The following TENM3 variants were observed in gnomAD, a reference collection of about 807,000 sequenced individuals.
TENM3 encodes the protein teneurin-3.
A neutral mutation model predicts 255.1 loss-of-function variants in TENM3; 63 were observed. The observed-to-expected ratio is 0.25, with a 90% CI of 0.20 to 0.30. The LOEUF is 0.30. TENM3 is among the 10% of genes least tolerant of loss of function. The pLI, the probability that TENM3 is intolerant of heterozygous loss-of-function variation, is 1.00. For missense variants in TENM3, 2,929 were observed against 3,461.1 expected (o/e 0.85, Z 3.86); for synonymous variants, 1,306 against 1,322.3 (o/e 0.99, Z 0.27).
intron 18 of TENM3, among the ~76,000 whole-genome samples, chr4:182,739,788 C>T (rs1471020275): frequency 6.6e-6 from 1 of 152,190 alleles, no homozygotes; most frequent in Non-Finnish European, 1.5e-5. Context: ...GTAATCTCAG[C>T]ACTTCAGGAG....
At chr4:182,615,000 AAGAGTTAGGG>A (rs1749338275) in intron 4 of TENM3, among the ~76,000 whole-genome samples, 1 of 147,584 alleles carries the variant, frequency 6.8e-6, no homozygotes. Flanking sequence ...AGTTTCGAAG[AAGAGTTAGGG>A]AAAAGGCATG....
chr4:181,955,630 G>A, the TENM3 span, among the ~76,000 whole-genome samples: 2,308 of 152,152 alleles, frequency 0.015, 54 homozygotes, highest in African/African-American at 0.052. Context: ...ACAAGGGTTT[G>A]GAAAGACTAC....
chr4:182,466,719 C>T (rs1194606367), intron 3 of TENM3, among the ~76,000 whole-genome samples: 1 of 151,914 alleles, frequency 6.6e-6, no homozygotes, highest in Non-Finnish European at 1.5e-5. Flanking sequence ...AATTATACGC[C>T]AAGGACCATA....
chr4:182,182,603 G>A (rs1752911141), intron 1 of TENM3, among the ~76,000 whole-genome samples: 1 of 152,196 alleles, frequency 6.6e-6, no homozygotes, highest in Non-Finnish European at 1.5e-5. Flanking sequence ...ACAGAAGTAT[G>A]AGCCTGCCTG....
intron 3 of TENM3, among the ~76,000 whole-genome samples, chr4:182,398,038 G>T (rs1768971744): frequency 6.6e-6 from 1 of 152,140 alleles, no homozygotes; most frequent in Non-Finnish European, 1.5e-5. Context: ...TTTGAGTCCT[G>T]GAGGAAGCAG....
At chr4:181,503,300 A>T in the TENM3 span, among the ~76,000 whole-genome samples, 221 of 152,338 alleles carry the variant, frequency 1.5e-3, no homozygotes, top group African/African-American at 5.1e-3. Flanking sequence ...CAGGAGTTCA[A>T]GGTTACAGTG....
At position 182,255,719 on chromosome 4, in the gene TENM3, T is replaced by C. The variant is rs559200680; in HGVS notation, c.-76+12243T>C. 3.3e-5 allele frequency among the ~76,000 whole-genome samples: 5 copies of C among 152,292 alleles called. 1 individual carries two copies. Among genetic ancestry groups the C allele is most frequent in the African/African-American group, 1.2e-4 (5 of 41,566 alleles). On this transcript the variant is annotated intron_variant, in intron 1 of 27. Transcript: ENST00000511685. Reference sequence around the variant, plus strand: ...ACACAGCCTGCCAGAATTGGGCTTATGTGTATGGGGAGAGGATGGGTTCAG... The same window carrying C: ...ACACAGCCTGCCAGAATTGGGCTTACGTGTATGGGGAGAGGATGGGTTCAG...
intron 1 of TENM3, among the ~76,000 whole-genome samples, chr4:182,219,974 C>A (rs887512538): frequency 6.6e-6 from 1 of 152,142 alleles, no homozygotes; most frequent in African/African-American, 2.4e-5. Flanking sequence ...TCCTGGAAAA[C>A]ATTTTACACA....
chr4:181,767,251 C>CAAAAAAAAAAA, the TENM3 span, among the ~76,000 whole-genome samples: 1 of 75,726 alleles, frequency 1.3e-5, no homozygotes, highest in Non-Finnish European at 2.6e-5. Context: ...GACTCCGTCT[C>CAAAAAAAAAAA]AAAAAAAAAA....
chr4:182,015,701 C>T, the TENM3 span, among the ~76,000 whole-genome samples: 7 of 151,200 alleles, frequency 4.6e-5, no homozygotes, highest in East Asian at 1.9e-4. Context: ...GCTGGGACTA[C>T]GGGCATGCAC....
intron 1 of TENM3, among the ~76,000 whole-genome samples, chr4:182,310,838 C>A (rs1416177033): frequency 1.3e-5 from 2 of 152,170 alleles, no homozygotes. Flanking sequence ...TCCCGAGTAG[C>A]TGGGACTACA....
At chr4:181,483,704 G>T in the TENM3 span, among the ~76,000 whole-genome samples, 1 of 152,020 alleles carries the variant, frequency 6.6e-6, no homozygotes, top group African/African-American at 2.4e-5. Flanking sequence ...AAATGCCAGG[G>T]TAGGTAAATT....
chr4:182,378,400 C>G (rs28566689), intron 3 of TENM3, among the ~76,000 whole-genome samples: 5,665 of 152,262 alleles, frequency 0.037, 325 homozygotes, highest in African/African-American at 0.13. Flanking sequence ...AAGAATGGAG[C>G]TGGCTTCTGT....
At chr4:182,526,719 G>T (rs1739226188) in intron 3 of TENM3, among the ~76,000 whole-genome samples, 1 of 152,154 alleles carries the variant, frequency 6.6e-6, no homozygotes, top group Non-Finnish European at 1.5e-5. Context: ...TTACTGTGGA[G>T]CCTCAATAGC....
intron 3 of TENM3, among the ~76,000 whole-genome samples, chr4:182,396,549 A>G (rs1376306225): frequency 6.6e-6 from 1 of 152,238 alleles, no homozygotes; most frequent in Non-Finnish European, 1.5e-5. Context: ...TTGACATGTT[A>G]TAAATTATTT....
At chr4:182,394,439 A>G (rs1768657521) in intron 3 of TENM3, among the ~76,000 whole-genome samples, 1 of 152,220 alleles carries the variant, frequency 6.6e-6, no homozygotes. Context: ...TTGTGAAAAA[A>G]TAAGATTACA....
chr4:182,716,600 C>T (rs959613635), intron 13 of TENM3, among the ~76,000 whole-genome samples: 48 of 152,292 alleles, frequency 3.2e-4, no homozygotes, highest in African/African-American at 9.9e-4. Context: ...GCTTTATAAC[C>T]TAAGCCAGCG....
chr4:182,800,581 T>A lies in TENM3; in HGVS notation c.*230T>A. 2 of 463,472 alleles carry A rather than the reference T, an allele frequency of 4.3e-6. No homozygotes were observed. The allele number at this position is 463,472 out of a possible 1,614,324, so 28.7% of individuals were successfully genotyped here. A position where few individuals can be genotyped will look rare whatever the true frequency, so the allele number is the denominator to read the frequency against. On this transcript the variant is annotated 3_prime_UTR_variant, in exon 28 of 28. Coordinates refer to ENST00000511685, the MANE Select transcript of TENM3 (RefSeq NM_001080477.4). ...TGCATAGCGCTGCACTCAGTCGGAC[T>A]GAACGTAGCCAGAGGAAAAAAAAAT... is the stretch of plus-strand genomic sequence containing the variant.
the TENM3 span, among the ~76,000 whole-genome samples, chr4:181,943,941 A>G: frequency 6.6e-6 from 1 of 152,044 alleles, no homozygotes; most frequent in Non-Finnish European, 1.5e-5. Context: ...CTCCTATAAA[A>G]TATCCTTAAA....
Sources: gnomAD v4.1 joint callset for allele counts (sites outside exome capture counted in the v4.1 genomes callset) on GRCh38, gnomAD v4.1.1 for gene constraint, MANE v1.5 for transcripts, NCBI Gene and HGNC (gene_info 2026-07-23, HGNC 2026-07-21) for gene names.